Variants in NKTR observed in about 807,000 individuals in gnomAD.
The protein encoded by NKTR is NK-tumor recognition protein.
In NKTR, 67 loss-of-function variants were observed where a neutral mutation model predicts 156.3. The observed-to-expected ratio is 0.43, with a 90% CI of 0.35 to 0.53. The LOEUF is 0.53. Ranked by LOEUF, NKTR falls within the 20% of genes least tolerant of loss-of-function variation. The pLI, the probability that NKTR is intolerant of heterozygous loss-of-function variation, is 0.01. For missense variants in NKTR, 1,604 were observed against 1,730.9 expected, an observed-to-expected ratio of 0.93 and a Z score of 1.30; for synonymous variants, 640 against 596.6, an observed-to-expected ratio of 1.07 and a Z score of -1.06.
chr3:42,633,594 G>C lies in NKTR; in HGVS notation c.788G>C (p.Ser263Thr). 6.2e-7 allele frequency: 1 copy of C among 1,614,070 alleles called. No homozygotes were observed. Among genetic ancestry groups the C allele is most frequent in the Non-Finnish European group, 8.5e-7 (1 of 1,179,970 alleles). Residue 263 changes from serine to threonine, a missense_variant, in exon 10 of 17, where the codon AGT becomes ACT. By Grantham distance (58) the Ser-to-Thr change is moderately conservative. Around this residue, in one of 6 missense-constraint regions of NKTR, gnomAD observed 1,255 missense variants for 1,243.7 expected, o/e 1.01. Coordinates refer to ENST00000232978, the MANE Select transcript of NKTR (RefSeq NM_005385.4). ...AMNPKGHSERSDTNEKRSVDS... is the reference protein window; with the variant it reads ...AMNPKGHSERTDTNEKRSVDS... Reference sequence around the variant, plus strand: ...TTTGTTCTAAGTCACTCTGAGAGGAGTGATACCAATGAAAAAAGGTCAGTT... The same window carrying C: ...TTTGTTCTAAGTCACTCTGAGAGGACTGATACCAATGAAAAAAGGTCAGTT...
intron 5 of NKTR, chr3:42,620,598 GT>G (rs1170115103): frequency 1.0e-6 from 1 of 984,380 alleles, no homozygotes; most frequent in Admixed American, 6.2e-5. Context: ...CTGTGTTTCT[GT>G]TTGTTCTGAA....
At chr3:42,640,300 C>G (rs566514173) in intron 13 of NKTR, among the ~76,000 whole-genome samples, 1 of 152,208 alleles carries the variant, frequency 6.6e-6, no homozygotes, top group Non-Finnish European at 1.5e-5. Context: ...CACTCTGCAC[C>G]TTCATGAAAA....
chr3:42,625,577 G>T (rs1708300069), intron 6 of NKTR, among the ~76,000 whole-genome samples: 1 of 152,114 alleles, frequency 6.6e-6, no homozygotes, highest in Non-Finnish European at 1.5e-5. Flanking sequence ...TTGTAAAGCT[G>T]TGTTGATGTT....
chr3:42,624,806 C>A (rs186406298), intron 6 of NKTR, among the ~76,000 whole-genome samples: 1 of 151,972 alleles, frequency 6.6e-6, no homozygotes, highest in Non-Finnish European at 1.5e-5. Context: ...CATTCTTTCC[C>A]CTTTTGCTGT....
intron 2 of NKTR, among the ~76,000 whole-genome samples, chr3:42,609,499 G>T (rs1706559725): frequency 6.6e-6 from 1 of 152,182 alleles, no homozygotes. Context: ...CATCTTTGTA[G>T]ATTTGAAAAT....
chr3:42,615,656 G>A (rs745868227), intron 2 of NKTR, among the ~76,000 whole-genome samples: 1 of 152,000 alleles, frequency 6.6e-6, no homozygotes, highest in Non-Finnish European at 1.5e-5. Context: ...TGATTATTTC[G>A]ATTATGTCTT....
chr3:42,639,007 T>C lies in NKTR; in HGVS notation c.3303T>C (p.Asn1101=). 1.2e-6 allele frequency: 2 copies of C among 1,613,660 alleles called. No homozygotes were observed. The highest frequency in any genetic ancestry group is 8.5e-7 in the Non-Finnish European group (1 of 1,179,860). ...CCACAGCTTTAAATACTGAGGAAAA[T>C]GTGGCCTGTTTACAAAACATTCAGC... The part of the protein sequence containing the change: ...ISPTALNTEE[N]VACLQNIQHV... The change falls in exon 13 of 17, where the codon AAT becomes AAC. Residue 1101 remains asparagine (N), a synonymous_variant. Transcript: ENST00000232978.
chr3:42,638,225 A>G lies in NKTR; in HGVS notation c.2521A>G (p.Asn841Asp). The G allele has an allele frequency of 6.2e-7, 1 of 1,613,316 alleles. No individual in the cohort carries two copies. Among genetic ancestry groups the G allele is most frequent in the East Asian group, 2.2e-5 (1 of 44,886 alleles). The change falls in exon 13 of 17, where the codon AAC becomes GAC. Residue 841 changes from asparagine (N) to aspartate (D), a missense_variant. This residue lies in a region of NKTR where 1,255 missense variants were observed against 1,243.7 expected (regional missense o/e 1.01). Transcript: ENST00000232978. ...AAGAACACATAATAAACAAGAAAAA[A>G]ACAGAGGTGAAGAAAAATCCAAGTC... Reference protein sequence around the residue: ...MERTHNKQEKNRGEEKSKSER... With the variant: ...MERTHNKQEKDRGEEKSKSER...
At chr3:42,625,512 AT>A (rs1200400960) in intron 6 of NKTR, among the ~76,000 whole-genome samples, 10 of 152,168 alleles carry the variant, frequency 6.6e-5, no homozygotes, top group African/African-American at 2.4e-4. Flanking sequence ...AGAAGTGCTG[AT>A]TATTACAAAG....
intron 6 of NKTR, among the ~76,000 whole-genome samples, chr3:42,622,138 A>G (rs996275113): frequency 6.6e-6 from 1 of 152,124 alleles, no homozygotes; most frequent in African/African-American, 2.4e-5. Flanking sequence ...AGGAAACTTA[A>G]GAATACTAAA....
chr3:42,614,299 C>G (rs957923319), intron 2 of NKTR, among the ~76,000 whole-genome samples: 5 of 152,024 alleles, frequency 3.3e-5, no homozygotes, highest in African/African-American at 4.8e-5. Flanking sequence ...GAGAGACTTA[C>G]GCAAATTCAT....
chr3:42,628,413 G>C, intron 6 of NKTR: 1 of 985,228 alleles, frequency 1.0e-6, no homozygotes, highest in Non-Finnish European at 1.2e-6. Flanking sequence ...GTCTCAAGTA[G>C]TATGTTGCTG....
intron 2 of NKTR, chr3:42,602,437 T>C (rs568181230): frequency 1.2e-4 from 19 of 152,278 alleles, no homozygotes; most frequent in African/African-American, 4.6e-4. Context: ...AGGACTGTAC[T>C]TGCATGTTTG....
chr3:42,603,732 C>CTTTT (rs11315714), intron 2 of NKTR, among the ~76,000 whole-genome samples: 4 of 116,696 alleles, frequency 3.4e-5, no homozygotes, highest in South Asian at 2.7e-4. Flanking sequence ...TTTTACACAA[C>CTTTT]TTTTTTTTTT....
In NKTR at chr3:42,637,878, G is replaced by C. The variant is rs1237818406; in HGVS notation, c.2174G>C (p.Arg725Thr). The C allele has an allele frequency of 1.2e-6, 2 of 1,614,022 alleles. No individual in the cohort carries two copies. The highest frequency in any genetic ancestry group is 3.3e-5 in the Admixed American group (2 of 60,006). The change falls in exon 13 of 17, where the codon AGA (arginine) becomes ACA (threonine). Residue 725 changes from arginine (R) to threonine (T), a missense_variant. By Grantham distance (71) the Arg-to-Thr change is moderately conservative. This residue lies in a region of NKTR where 1,255 missense variants were observed against 1,243.7 expected (regional missense o/e 1.01). Coordinates refer to ENST00000232978, the MANE Select transcript of NKTR (RefSeq NM_005385.4). The part of the protein sequence containing the change: ...SHSRSRSPSS[R>T]SHSRNKYSDH... Reference sequence around the variant, plus strand: ...TCAAGGTCTAGGTCTCCATCATCTAGATCTCATTCACGAAATAAATACAGT... The same window carrying C: ...TCAAGGTCTAGGTCTCCATCATCTACATCTCATTCACGAAATAAATACAGT...
chr3:42,616,950 C>T (rs532412178), intron 2 of NKTR, among the ~76,000 whole-genome samples: 209 of 152,178 alleles, frequency 1.4e-3, no homozygotes, highest in South Asian at 7.3e-3. Flanking sequence ...AGACAGGGGT[C>T]GTTCTGTGTT....
intron 12 of NKTR, among the ~76,000 whole-genome samples, chr3:42,635,862 C>G (rs60994254): frequency 6.0e-4 from 90 of 151,166 alleles, no homozygotes; most frequent in Admixed American, 5.9e-3. Context: ...GAGCTGAGAT[C>G]GTGCCACTGC....
chr3:42,603,382 A>T (rs904688349), intron 2 of NKTR, among the ~76,000 whole-genome samples: 75 of 146,722 alleles, frequency 5.1e-4, no homozygotes, highest in African/African-American at 1.7e-3. Flanking sequence ...AAAAAAAAAA[A>T]AAACAGCTTA....
intron 6 of NKTR, chr3:42,629,627 C>T (rs919643795): frequency 2.9e-5 from 28 of 976,618 alleles, no homozygotes; most frequent in Non-Finnish European, 3.3e-5. Context: ...TGTTTTCTAG[C>T]TCTTAAATAT....
Sources: gnomAD v4.1 joint callset for allele counts (sites outside exome capture counted in the v4.1 genomes callset) on GRCh38, gnomAD v4.1.1 for gene constraint, gnomAD v4.1.1 regional missense constraint, MANE v1.5 for transcripts, NCBI Gene and HGNC (gene_info 2026-07-23, HGNC 2026-07-21) for gene names.